Variants in HDAC9 observed in about 807,000 individuals in gnomAD.
HDAC9 encodes the protein MEF-2 interacting transcription repressor (MITR) protein.
HDAC9 carries 41 observed loss-of-function variants against 139.4 expected under a neutral mutation model. The observed-to-expected ratio is 0.29, with a 90% CI of 0.23 to 0.38. The LOEUF (loss-of-function observed/expected upper bound fraction) is 0.38, where lower values mean the gene tolerates loss of function less well. Among genes scored for constraint, HDAC9 ranks in the 10% least tolerant of loss-of-function variants. The pLI is 1.00. For synonymous variants in HDAC9, 517 were observed against 476.2 expected, an observed-to-expected ratio of 1.09 and a Z score of -1.12; for missense variants, 1,147 against 1,297.0, an observed-to-expected ratio of 0.88 and a Z score of 1.78.
intron 1 of HDAC9, among the ~76,000 whole-genome samples, chr7:18,152,481 T>C (rs1174999222): frequency 2.0e-5 from 3 of 152,238 alleles, no homozygotes; most frequent in Non-Finnish European, 4.4e-5. Flanking sequence ...TCTCATACTT[T>C]AGCTTAGTTA....
Position 18,727,638 on chromosome 7 carries a change from C to T in HDAC9, c.1790C>T (p.Ala597Val), listed in dbSNP as rs765973193. The change falls in exon 13 of 26, where the codon GCG (alanine) becomes GTG (valine). Residue 597 changes from alanine to valine, a missense_variant. This residue lies in a region of HDAC9 where 256 missense variants were observed against 219.2 expected (regional missense o/e 1.17). Coordinates refer to ENST00000686413, the MANE Select transcript of HDAC9 (RefSeq NM_178425.4). ...TCTGTGCGCCAAGCTCCGCTGGCTG[C>T]GGTTGGCATGGATGGATTAGAGAAA... ...ALSVRQAPLA[A>V]VGMDGLEKHR... 18 of 1,588,430 alleles carry T rather than the reference C, an allele frequency of 1.1e-5. No homozygotes were observed. The highest frequency in any genetic ancestry group is 1.9e-5 in the Admixed American group (1 of 53,196).
chr7:18,138,433 G>A (rs116701121), intron 1 of HDAC9, among the ~76,000 whole-genome samples: 201 of 152,142 alleles, frequency 1.3e-3, no homozygotes, highest in African/African-American at 4.4e-3. Context: ...CTGGTTTTAG[G>A]AGATGGAGGG....
intron 16 of HDAC9, among the ~76,000 whole-genome samples, chr7:18,771,308 C>G (rs1401272523): frequency 6.6e-6 from 1 of 151,990 alleles, no homozygotes; most frequent in Non-Finnish European, 1.5e-5. Context: ...TTAGGAATGT[C>G]ATTTTTGTGA....
chr7:18,876,187 A>G (rs1431033952), intron 22 of HDAC9, among the ~76,000 whole-genome samples: 2 of 152,192 alleles, frequency 1.3e-5, no homozygotes, highest in African/African-American at 2.4e-5. Flanking sequence ...GGGTTCTACC[A>G]CTTCTAGGTT....
At chr7:18,580,970 A>T (rs1251412035) in intron 2 of HDAC9, among the ~76,000 whole-genome samples, 1 of 152,214 alleles carries the variant, frequency 6.6e-6, no homozygotes. Context: ...CTTTTGGAAT[A>T]TGATGAGCCT....
chr7:18,829,438 C>G (rs751292441), intron 18 of HDAC9, 23 bp from the exon 19 acceptor site: 2 of 1,542,198 alleles, frequency 1.3e-6, no homozygotes, highest in Non-Finnish European at 1.8e-6. Context: ...TTTCTTATTT[C>G]TCTGTTCTTC....
chr7:18,158,349 A>C (rs538986737), intron 1 of HDAC9, among the ~76,000 whole-genome samples: 31 of 152,240 alleles, frequency 2.0e-4, no homozygotes, highest in African/African-American at 7.5e-4. Context: ...ATGTTTTGTG[A>C]CTGAGTTTGA....
At chr7:18,261,084 C>T (rs979371647) in intron 2 of HDAC9, among the ~76,000 whole-genome samples, 1 of 151,976 alleles carries the variant, frequency 6.6e-6, no homozygotes. Flanking sequence ...AGGGAGATTG[C>T]TTGAGCCTAG....
chr7:18,143,638 T>G (rs1490909425), intron 1 of HDAC9, among the ~76,000 whole-genome samples: 2 of 151,906 alleles, frequency 1.3e-5, no homozygotes, highest in Non-Finnish European at 2.9e-5. Context: ...ATACAAAAAT[T>G]AGCTAGGCGT....
chr7:18,341,809 C>T (rs975356602), intron 1 of HDAC9, among the ~76,000 whole-genome samples: 1 of 151,754 alleles, frequency 6.6e-6, no homozygotes, highest in East Asian at 1.9e-4. Flanking sequence ...TGAAATAATG[C>T]AAATTTTACT....
rs982252937 is a variant in HDAC9 at position 18,149,389 on chromosome 7, C to T, written c.-96-12840C>T. 1.6e-4 allele frequency among the ~76,000 whole-genome samples: 23 copies of T among 147,424 alleles called. 1 individual carries two copies. Among genetic ancestry groups the T allele is most frequent in the African/African-American group, 2.2e-4 (9 of 40,606 alleles). On this transcript the variant is annotated intron_variant, in intron 1 of 12. Coordinates refer to the HDAC9 transcript ENST00000417496. Reference sequence around the variant, plus strand: ...TTTTTGTTTAGAGTCAGGGTCTCACCGTGTCACTCAGGTTGGAGTGCAGTG... The same window carrying T: ...TTTTTGTTTAGAGTCAGGGTCTCACTGTGTCACTCAGGTTGGAGTGCAGTG...
chr7:18,930,436 A>G (rs1804634020), intron 22 of HDAC9, among the ~76,000 whole-genome samples: 1 of 152,002 alleles, frequency 6.6e-6, no homozygotes, highest in African/African-American at 2.4e-5. Flanking sequence ...ATTGTTATAT[A>G]TGCTCTAATC....
At position 18,180,263 on chromosome 7, in the gene HDAC9, A is replaced by ACACCCC. The variant is rs1554322967; in HGVS notation, c.25+17917_25+17918insCCCCAC. ...CACACACACACACACACACACACAC[A>ACACCCC]CACACACACACCACATTCTTAACCT... On this transcript the variant is annotated intron_variant, in intron 2 of 12. Coordinates refer to the HDAC9 transcript ENST00000417496. Among the ~76,000 whole-genome samples the ACACCCC allele has an allele frequency of 4.3e-4, 65 of 149,652 alleles. 1 individual carries two copies. The highest frequency in any genetic ancestry group is 6.6e-4 in the African/African-American group (27 of 40,782).
intron 12 of HDAC9, among the ~76,000 whole-genome samples, chr7:18,726,591 C>T (rs1785565557): frequency 1.3e-5 from 2 of 151,826 alleles, no homozygotes; most frequent in African/African-American, 2.4e-5. Context: ...TTTTCACATT[C>T]GTTAGGAAAG....
At chr7:18,222,910 G>A (rs573893183) in intron 2 of HDAC9, among the ~76,000 whole-genome samples, 2 of 152,208 alleles carry the variant, frequency 1.3e-5, no homozygotes, top group African/African-American at 4.8e-5. Flanking sequence ...TAAGGGAAAG[G>A]TAATGCATAT....
At chr7:18,821,728 A>G (rs1794991380) in intron 17 of HDAC9, among the ~76,000 whole-genome samples, 1 of 152,272 alleles carries the variant, frequency 6.6e-6, no homozygotes, top group Middle Eastern at 3.4e-3. Context: ...ATCAGATCTC[A>G]CAAGTTAAGG....
At chr7:18,099,914 A>G (rs1782737696) in intron 1 of HDAC9, among the ~76,000 whole-genome samples, 1 of 152,212 alleles carries the variant, frequency 6.6e-6, no homozygotes, top group Non-Finnish European at 1.5e-5. Context: ...TCGAGTAGTT[A>G]CCATTTCAGT....
At chr7:18,428,192 T>C (rs918411051) in intron 1 of HDAC9, among the ~76,000 whole-genome samples, 3 of 152,190 alleles carry the variant, frequency 2.0e-5, no homozygotes, top group African/African-American at 4.8e-5. Context: ...GATTGCTGGA[T>C]TGTATGATAG....
At chr7:18,089,504 T>C (rs1282479214) in intron 1 of HDAC9, among the ~76,000 whole-genome samples, 1 of 152,004 alleles carries the variant, frequency 6.6e-6, no homozygotes, top group Non-Finnish European at 1.5e-5. Flanking sequence ...ATTTAAGATA[T>C]AGATGAATTC....
Sources: allele counts gnomAD v4.1 joint callset (sites outside exome capture counted in the v4.1 genomes callset), GRCh38; gene constraint gnomAD v4.1.1; regional missense constraint gnomAD v4.1.1; transcripts MANE v1.5; gene names NCBI Gene and HGNC (gene_info 2026-07-23, HGNC 2026-07-21).